Variants in HS3ST4 observed in about 807,000 individuals in gnomAD.
HS3ST4 encodes the protein heparan sulfate glucosamine 3-O-sulfotransferase 4.
HS3ST4 carries 17 observed loss-of-function variants against 29.2 expected under a neutral mutation model. The observed-to-expected ratio is 0.58, with a 90% CI of 0.40 to 0.87. The LOEUF is 0.87. HS3ST4 is among the 40% of genes least tolerant of loss of function. The pLI, the probability that HS3ST4 is intolerant of heterozygous loss-of-function variation, is 0.00. For synonymous variants in HS3ST4, 314 were observed against 285.7 expected, an observed-to-expected ratio of 1.10 and a Z score of -1.00; for missense variants, 627 against 634.5, an observed-to-expected ratio of 0.99 and a Z score of 0.13.
At chr16:25,840,257 G>A (rs1160593420) in intron 1 of HS3ST4, among the ~76,000 whole-genome samples, 1 of 152,186 alleles carries the variant, frequency 6.6e-6, no homozygotes. Context: ...TTTCTGGGAA[G>A]CCTTTTGTTG....
intron 1 of HS3ST4, among the ~76,000 whole-genome samples, chr16:25,719,854 C>T (rs1966481324): frequency 6.6e-6 from 1 of 152,138 alleles, no homozygotes; most frequent in African/African-American, 2.4e-5. Context: ...ATCTGTTCAC[C>T]AGACACTGTT....
intron 1 of HS3ST4, among the ~76,000 whole-genome samples, chr16:25,856,327 T>C (rs944406497): frequency 2.4e-4 from 37 of 152,108 alleles, no homozygotes; most frequent in African/African-American, 8.7e-4. Context: ...ATTAGGAGGC[T>C]GAACTTTCAT....
At chr16:25,907,576 C>T (rs1405760081) in intron 1 of HS3ST4, among the ~76,000 whole-genome samples, 2 of 152,152 alleles carry the variant, frequency 1.3e-5, no homozygotes, top group Non-Finnish European at 2.9e-5. Flanking sequence ...GGCTGGACAG[C>T]TCAAAGCACA....
intron 1 of HS3ST4, among the ~76,000 whole-genome samples, chr16:25,753,901 A>G (rs1284203110): frequency 6.6e-6 from 1 of 152,208 alleles, no homozygotes; most frequent in Non-Finnish European, 1.5e-5. Flanking sequence ...CGGTAGGTAT[A>G]GATCTATAGC....
At chr16:25,928,147 G>A (rs1968427067) in intron 1 of HS3ST4, among the ~76,000 whole-genome samples, 1 of 148,898 alleles carries the variant, frequency 6.7e-6, no homozygotes, top group Non-Finnish European at 1.5e-5. Flanking sequence ...AATAAGCTAT[G>A]ATCACGCCAT....
chr16:25,692,330 GC>G lies in HS3ST4; in HGVS notation c.-87del. 12 of 162,302 alleles carry G rather than the reference GC, an allele frequency of 7.4e-5. No homozygotes were observed. The highest frequency in any genetic ancestry group is 1.2e-4 in the Non-Finnish European group (10 of 80,480). 10.1% of individuals were successfully genotyped at this position (162,302 alleles called of 1,614,324 possible). ...AGCGGCGGCGGCGGCGGCGGCGGCG[GC>G]GGCGGCGGGGGCGGCGGCTGAAACC... On this transcript the variant is annotated 5_prime_UTR_variant, in exon 1 of 2. It removes the in-frame stop codon of an upstream open reading frame in the 5' UTR. Coordinates refer to ENST00000331351, the MANE Select transcript of HS3ST4 (RefSeq NM_006040.3).
At chr16:25,706,825 T>C (rs928674782) in intron 1 of HS3ST4, among the ~76,000 whole-genome samples, 6 of 152,236 alleles carry the variant, frequency 3.9e-5, no homozygotes, top group Admixed American at 3.9e-4. Flanking sequence ...TTGGAGCCAA[T>C]GTAATTCCAA....
chr16:25,908,854 G>A (rs547679791), intron 1 of HS3ST4, among the ~76,000 whole-genome samples: 2 of 152,352 alleles, frequency 1.3e-5, no homozygotes, highest in South Asian at 2.1e-4. Context: ...CAACCAGGTG[G>A]TCTTGGCAAC....
At chr16:25,835,905 A>G (rs1025062217) in intron 1 of HS3ST4, among the ~76,000 whole-genome samples, 6 of 152,202 alleles carry the variant, frequency 3.9e-5, no homozygotes, top group Non-Finnish European at 8.8e-5. Context: ...CTGAAGCAGA[A>G]GAGAACTTAG....
chr16:25,734,093 G>A (rs576101124), intron 1 of HS3ST4, among the ~76,000 whole-genome samples: 1 of 152,228 alleles, frequency 6.6e-6, no homozygotes, highest in Non-Finnish European at 1.5e-5. Flanking sequence ...CTCCAGCCTG[G>A]GTGACAGAGC....
intron 1 of HS3ST4, among the ~76,000 whole-genome samples, chr16:25,753,390 C>G (rs927505316): frequency 6.6e-6 from 1 of 152,176 alleles, no homozygotes; most frequent in Admixed American, 6.5e-5. Context: ...TAGTCCAGGT[C>G]TCATAACATT....
intron 1 of HS3ST4, among the ~76,000 whole-genome samples, chr16:25,745,942 A>G (rs1034512911): frequency 2.2e-4 from 33 of 152,342 alleles, no homozygotes; most frequent in Non-Finnish European, 3.8e-4. Context: ...TTGAAACACA[A>G]TGTCCACTGC....
chr16:26,100,174 A>G (rs1379175410), intron 1 of HS3ST4, among the ~76,000 whole-genome samples: 1 of 152,180 alleles, frequency 6.6e-6, no homozygotes, highest in Non-Finnish European at 1.5e-5. Context: ...CTGAAAAACA[A>G]CCTATCGAGG....
At chr16:25,922,962 G>A (rs112507013) in intron 1 of HS3ST4, among the ~76,000 whole-genome samples, 11,641 of 152,208 alleles carry the variant, frequency 0.076, 566 homozygotes, top group Non-Finnish European at 0.096. Context: ...TCCTCTGAAG[G>A]GCCTGTTGGA....
At chr16:25,742,640 C>G (rs1966662359) in intron 1 of HS3ST4, among the ~76,000 whole-genome samples, 1 of 152,228 alleles carries the variant, frequency 6.6e-6, no homozygotes, top group Non-Finnish European at 1.5e-5. Context: ...TCTTCTGGAT[C>G]AGTCAGCCTT....
intron 1 of HS3ST4, among the ~76,000 whole-genome samples, chr16:26,023,061 A>G (rs960948239): frequency 4.6e-5 from 7 of 152,200 alleles, no homozygotes; most frequent in Non-Finnish European, 1.0e-4. Context: ...GAAGAAGAAA[A>G]AAAACCAACT....
intron 1 of HS3ST4, among the ~76,000 whole-genome samples, chr16:25,817,050 A>G (rs947174648): frequency 6.6e-6 from 1 of 152,236 alleles, no homozygotes; most frequent in Non-Finnish European, 1.5e-5. Context: ...TGCAGGGGAC[A>G]AAAATTCAAA....
intron 1 of HS3ST4, among the ~76,000 whole-genome samples, chr16:25,947,518 C>T (rs996344386): frequency 7.2e-5 from 11 of 151,742 alleles, no homozygotes; most frequent in Middle Eastern, 3.4e-3. Flanking sequence ...TCTTATTCTG[C>T]AATCCATGCG....
intron 1 of HS3ST4, among the ~76,000 whole-genome samples, chr16:26,130,877 G>C (rs1899408631): frequency 6.6e-6 from 1 of 152,176 alleles, no homozygotes; most frequent in African/African-American, 2.4e-5. Context: ...TCAGCCTCCT[G>C]TGTCAACATG....
Sources: allele counts gnomAD v4.1 joint callset (sites outside exome capture counted in the v4.1 genomes callset), GRCh38; gene constraint gnomAD v4.1.1; transcripts MANE v1.5; gene names NCBI Gene and HGNC (gene_info 2026-07-23, HGNC 2026-07-21).